Variants in AREL1 observed in about 807,000 individuals in gnomAD.
AREL1 encodes the protein apoptosis resistant E3 ubiquitin protein ligase 1, also known as apoptosis-resistant E3 ubiquitin protein ligase 1.
In AREL1, 62 loss-of-function variants were observed where a neutral mutation model predicts 99.0. That is an observed-to-expected ratio of 0.63 (90% CI 0.51 to 0.77). The LOEUF (loss-of-function observed/expected upper bound fraction) is 0.77, where lower values mean the gene tolerates loss of function less well. AREL1 is among the 30% of genes least tolerant of loss of function. The probability of loss-of-function intolerance (pLI) is 0.00; values close to 1 mark genes in which losing one functional copy is unlikely to be tolerated. For synonymous variants in AREL1, 380 were observed against 376.5 expected (o/e 1.01, Z -0.11); for missense variants, 879 against 1,027.6 (o/e 0.86, Z 1.98).
At chr14:74,682,449 C>T (rs2089651097) in intron 5 of AREL1, among the ~76,000 whole-genome samples, 2 of 152,148 alleles carry the variant, frequency 1.3e-5, no homozygotes, top group African/African-American at 4.8e-5. Context: ...GTGTTGCTTA[C>T]AGTACCCAAA....
chr14:74,690,933 C>T (rs2089864261), intron 2 of AREL1: 1 of 151,952 alleles, frequency 6.6e-6, no homozygotes, highest in Admixed American at 6.6e-5. Context: ...TACTATTATT[C>T]TCGTTTTATG....
chr14:74,710,983 G>A (rs909166983), intron 1 of AREL1, among the ~76,000 whole-genome samples: 1 of 152,180 alleles, frequency 6.6e-6, no homozygotes, highest in African/African-American at 2.4e-5. Flanking sequence ...TGTAATCCCA[G>A]CACTTTGGGA....
rs963224525 is a variant in AREL1 at position 74,673,419 on chromosome 14, C to T, written c.1159-201G>A. ...TTTAAAATTATTTTAGTCACAGAGA[C>T]TGCCTTTAGTTAGGACCACCAGCAA... On this transcript the variant is annotated intron_variant, in intron 9 of 19. Transcript: ENST00000356357. Among the ~76,000 whole-genome samples, 5 of 152,176 alleles carry T rather than the reference C, an allele frequency of 3.3e-5. No homozygotes were observed. The South Asian group carries it at 8.3e-4, about 25-fold the overall frequency.
Position 74,667,391 on chromosome 14 carries a change from G to T in AREL1, c.2045-14C>A. 6.2e-7 allele frequency: 1 copy of T among 1,614,132 alleles called. No homozygotes were observed. The highest frequency in any genetic ancestry group is 2.2e-5 in the East Asian group (1 of 44,890). On this transcript the variant is annotated splice_polypyrimidine_tract_variant and intron_variant, in intron 16 of 19. Transcript: ENST00000356357. ...ATTCATTCAGGCCTGAAACAAAGTA[G>T]GCAAGTTAAAGTCATACCCACACCA...
chr14:74,665,396 G>C lies in AREL1; in HGVS notation c.2104-471C>G, dbSNP rs557387087. On this transcript the variant is annotated intron_variant, in intron 17 of 19. Coordinates refer to ENST00000356357, the MANE Select transcript of AREL1 (RefSeq NM_001039479.2). The stretch of plus-strand genomic sequence containing the variant: ...CTGAGTAGCTGGGATTACAGGCGAG[G>C]TATTTCTGATGAACACCCTAAGAAC... 2.6e-5 allele frequency among the ~76,000 whole-genome samples: 4 copies of C among 151,838 alleles called. No homozygotes were observed. In the East Asian group the frequency reaches 7.8e-4, roughly 29 times the overall value.
At chr14:74,667,246 G>C (rs2089228416) in intron 17 of AREL1, 73 bp downstream of exon 17, 1 of 1,569,836 alleles carries the variant, frequency 6.4e-7, no homozygotes, top group Admixed American at 1.7e-5. Context: ...ATAAGAGAAG[G>C]TACACCAAGC....
intron 2 of AREL1, among the ~76,000 whole-genome samples, chr14:74,686,597 A>C (rs570081425): frequency 9.2e-5 from 14 of 152,320 alleles, no homozygotes; most frequent in African/African-American, 3.1e-4. Context: ...TCAGCACTAG[A>C]ATATTACGTA....
At position 74,664,945 on chromosome 14, in the gene AREL1, T is replaced by TA. The variant is rs1230949590; in HGVS notation, c.2104-21_2104-20insT. On this transcript the variant is annotated intron_variant, in intron 17 of 19. Transcript: ENST00000356357. ...CAGCAGCTGGAAAAAGATGGTAAGG[T>TA]GTTACTATGACAGTCAGAGAGACAA... The TA allele has an allele frequency of 3.1e-6, 5 of 1,606,344 alleles. No individual in the cohort carries two copies. The highest frequency in any genetic ancestry group is 4.3e-6 in the Non-Finnish European group (5 of 1,173,678).
At chr14:74,704,639 T>A (rs1303429753) in intron 1 of AREL1, among the ~76,000 whole-genome samples, 1 of 152,174 alleles carries the variant, frequency 6.6e-6, no homozygotes, top group Non-Finnish European at 1.5e-5. Flanking sequence ...AAGACTTATT[T>A]TCCTTTCACA....
At chr14:74,686,586 A>C (rs1175772157) in intron 2 of AREL1, among the ~76,000 whole-genome samples, 1 of 152,226 alleles carries the variant, frequency 6.6e-6, no homozygotes, top group Non-Finnish European at 1.5e-5. Flanking sequence ...AACACCTTTT[A>C]TCAGCACTAG....
At chr14:74,712,775 C>A in intron 1 of AREL1, 158 bp downstream of exon 1, 3 of 351,384 alleles carry the variant, frequency 8.5e-6, no homozygotes, top group South Asian at 7.0e-5. Context: ...CCATAGACAC[C>A]GGATACCCCA....
intron 11 of AREL1, among the ~76,000 whole-genome samples, chr14:74,672,253 T>C (rs1472148600): frequency 6.6e-6 from 1 of 152,254 alleles, no homozygotes; most frequent in Non-Finnish European, 1.5e-5. Flanking sequence ...GTAAGTAAAC[T>C]GCTCTTCCCT....
At chr14:74,673,360 AT>A (rs1389476992) in intron 9 of AREL1, 142 bp from the exon 10 acceptor site, 1 of 821,330 alleles carries the variant, frequency 1.2e-6, no homozygotes, top group East Asian at 2.7e-5. Flanking sequence ...AATACATTTC[AT>A]TATTTTTCCC....
intron 1 of AREL1, among the ~76,000 whole-genome samples, chr14:74,703,127 A>G (rs1002764860): frequency 1.3e-5 from 2 of 152,162 alleles, no homozygotes; most frequent in Non-Finnish European, 2.9e-5. Flanking sequence ...AATTTACTCT[A>G]TTAGTCCATT....
intron 2 of AREL1, among the ~76,000 whole-genome samples, chr14:74,686,811 C>A (rs1277267595): frequency 6.6e-6 from 1 of 152,054 alleles, no homozygotes; most frequent in East Asian, 1.9e-4. Flanking sequence ...TATCTAAAGT[C>A]CTACTAGAAA....
At chr14:74,712,762 G>A in intron 1 of AREL1, 171 bp downstream of exon 1, 2 of 346,892 alleles carry the variant, frequency 5.8e-6, no homozygotes, top group South Asian at 2.4e-5. Flanking sequence ...CCTCAGGGCT[G>A]GACCATAGAC....
At position 74,667,511 on chromosome 14, in the gene AREL1, A is replaced by C; in HGVS notation, c.1998T>G (p.Tyr666Ter). 6.2e-7 allele frequency: 1 copy of C among 1,613,872 alleles called. No homozygotes were observed. The highest frequency in any genetic ancestry group is 8.5e-7 in the Non-Finnish European group (1 of 1,179,882). Residue 666 changes from tyrosine (Y) to a stop codon, truncating the protein, a stop_gained, in exon 16 of 20, where the codon TAT (tyrosine) becomes TAG (stop). Transcript: ENST00000356357. LOFTEE classifies it high-confidence loss of function. The part of the protein sequence containing the change: ...KIFYLNLLAQ[Y>*]RLASQVKEEV... ...CCTCTTTCACTTGACTGGCCAGCCG[A>C]TATTGGGCCAGCAAATTTAAATAGA...
At position 74,661,448 on chromosome 14, in the gene AREL1, T is replaced by C. The variant is rs1397210286; in HGVS notation, c.*2272A>G. The C allele has an allele frequency of 2.0e-5, 7 of 356,136 alleles. No homozygotes were observed. The highest frequency in any genetic ancestry group is 4.3e-5 in the African/African-American group (2 of 45,990). The allele number at this position is 356,136 out of a possible 1,614,324, so 22.1% of individuals were successfully genotyped here. Reference sequence around the variant, plus strand: ...CAAAGACGCTAAAAGGCCAGAAGGGTAGCTGGCCCCCCAAGTACCTGGGTC... The same window carrying C: ...CAAAGACGCTAAAAGGCCAGAAGGGCAGCTGGCCCCCCAAGTACCTGGGTC... On this transcript the variant is annotated 3_prime_UTR_variant, in exon 20 of 20. Transcript: ENST00000356357.
chr14:74,689,754 G>A (rs1455037202), intron 2 of AREL1, among the ~76,000 whole-genome samples: 6 of 151,144 alleles, frequency 4.0e-5, no homozygotes, highest in Admixed American at 2.6e-4. Context: ...GCACCACCAC[G>A]CCTGGCTAAT....
Sources: gnomAD v4.1 joint callset for allele counts (sites outside exome capture counted in the v4.1 genomes callset) on GRCh38, gnomAD v4.1.1 for gene constraint, MANE v1.5 for transcripts, NCBI Gene and HGNC (gene_info 2026-07-23, HGNC 2026-07-21) for gene names.